Variants in PTPRG observed in about 807,000 individuals in gnomAD.
PTPRG encodes the protein protein tyrosine phosphatase receptor type G.
PTPRG carries 102 observed loss-of-function variants against 165.3 expected under a neutral mutation model. The ratio of observed to expected loss-of-function variants is 0.62; its 90% CI spans 0.53 to 0.73. The LOEUF (loss-of-function observed/expected upper bound fraction) is 0.73, where lower values mean the gene tolerates loss of function less well. Ranked by LOEUF, PTPRG falls within the 30% of genes least tolerant of loss-of-function variation. The pLI is 0.00. For synonymous variants in PTPRG, 675 were observed against 669.5 expected (o/e 1.01, Z -0.13); for missense variants, 1,866 against 1,861.4 (o/e 1.00, Z -0.05).
Position 62,024,795 on chromosome 3 carries a change from A to G in PTPRG, c.519+21298A>G, listed in dbSNP as rs543963848. On this transcript the variant is annotated intron_variant, in intron 4 of 29. Transcript: ENST00000474889. Reference sequence around the variant, plus strand: ...TTTACTTAAATCAGTAGATCTGATAAATGCTTTAGACTTGACTTCATAGTG... The same window carrying G: ...TTTACTTAAATCAGTAGATCTGATAGATGCTTTAGACTTGACTTCATAGTG... Among the ~76,000 whole-genome samples the G allele has an allele frequency of 3.3e-5, 5 of 152,306 alleles. No homozygotes were observed. In the East Asian group the frequency reaches 7.7e-4, roughly 23 times the overall value.
At chr3:62,196,264 G>T (rs1201962464) in intron 10 of PTPRG, among the ~76,000 whole-genome samples, 1 of 151,652 alleles carries the variant, frequency 6.6e-6, no homozygotes, top group Admixed American at 6.6e-5. Flanking sequence ...TTGGTGGTGC[G>T]TGCCTGTAAT....
intron 2 of PTPRG, among the ~76,000 whole-genome samples, chr3:61,911,928 G>A (rs990029638): frequency 2.0e-5 from 3 of 152,198 alleles, no homozygotes; most frequent in South Asian, 2.1e-4. Flanking sequence ...GTTTCAATTT[G>A]CATTTCTTTC....
chr3:62,083,860 G>T (rs1701660671), intron 5 of PTPRG, among the ~76,000 whole-genome samples: 1 of 152,174 alleles, frequency 6.6e-6, no homozygotes, highest in Admixed American at 6.5e-5. Context: ...TCAGTCAGAT[G>T]CACATAGAAG....
rs1553662684 is a variant in PTPRG at position 62,265,896 on chromosome 3, T to TATACACAC, written c.2657-1513_2657-1512insTACACACA. On this transcript the variant is annotated intron_variant, in intron 17 of 29. Coordinates refer to ENST00000474889, the MANE Select transcript of PTPRG (RefSeq NM_002841.4). ...CACACGTATACATCTGTGCCTTATATACACACACACACACACACACACACA... is the reference window on the plus strand; with the variant it reads ...CACACGTATACATCTGTGCCTTATATATACACACACACACACACACACACACACACACA... 4.2e-3 allele frequency among the ~76,000 whole-genome samples: 553 copies of TATACACAC among 130,608 alleles called. 2 individuals are homozygous for TATACACAC. Among genetic ancestry groups the TATACACAC allele is most frequent in the African/African-American group, 0.014 (480 of 34,436 alleles). The allele number at this position is 130,608 out of a possible 152,430, so 85.7% of individuals were successfully genotyped here. A position where few individuals can be genotyped will look rare whatever the true frequency, so the allele number is the denominator to read the frequency against.
intron 14 of PTPRG, among the ~76,000 whole-genome samples, chr3:62,239,349 C>CTTTTT (rs1168589653): frequency 5.6e-5 from 8 of 144,100 alleles, no homozygotes; most frequent in African/African-American, 2.1e-4. Flanking sequence ...TTCTTTCTTT[C>CTTTTT]TTTTTTCTTT....
At chr3:61,924,048 A>G (rs1296108969) in intron 2 of PTPRG, among the ~76,000 whole-genome samples, 2 of 152,198 alleles carry the variant, frequency 1.3e-5, no homozygotes, top group Non-Finnish European at 2.9e-5. Flanking sequence ...ATAGAAAGCT[A>G]GGGCTTTTCC....
At chr3:61,857,889 T>G (rs2107390120) in intron 2 of PTPRG, among the ~76,000 whole-genome samples, 1 of 152,250 alleles carries the variant, frequency 6.6e-6, no homozygotes, top group South Asian at 2.1e-4. Flanking sequence ...TAATTATTTG[T>G]TGTGGGGGCT....
intron 2 of PTPRG, among the ~76,000 whole-genome samples, chr3:61,973,800 T>G (rs534626068): frequency 6.6e-6 from 1 of 152,002 alleles, no homozygotes; most frequent in East Asian, 1.9e-4. Flanking sequence ...TTCTCTGCAC[T>G]CCAGCCTTGG....
chr3:61,789,166 C>G (rs1231261236), intron 2 of PTPRG, among the ~76,000 whole-genome samples: 3 of 152,124 alleles, frequency 2.0e-5, no homozygotes, highest in African/African-American at 7.2e-5. Context: ...GTAGCAGGAT[C>G]TCAGCTCACT....
At chr3:61,895,681 T>G (rs2038336327) in intron 2 of PTPRG, among the ~76,000 whole-genome samples, 1 of 152,214 alleles carries the variant, frequency 6.6e-6, no homozygotes, top group African/African-American at 2.4e-5. Flanking sequence ...GGTAGCAGTT[T>G]AAGTTTTATT....
At chr3:62,124,617 C>T (rs77160062) in intron 5 of PTPRG, 3 of 152,178 alleles carry the variant, frequency 2.0e-5, no homozygotes, top group African/African-American at 5.9e-5. Flanking sequence ...ATGCTGACCG[C>T]GAGGGAAGGT....
chr3:62,162,975 A>G (rs1340859933), intron 7 of PTPRG, among the ~76,000 whole-genome samples: 1 of 152,202 alleles, frequency 6.6e-6, no homozygotes, highest in Admixed American at 6.5e-5. Flanking sequence ...AGGAGGCATG[A>G]TTGGGAAGGC....
chr3:61,985,462 T>C (rs1343691082), intron 2 of PTPRG, among the ~76,000 whole-genome samples: 1 of 152,242 alleles, frequency 6.6e-6, no homozygotes, highest in Non-Finnish European at 1.5e-5. Flanking sequence ...CAGCACTTAC[T>C]GAACTTTTAG....
intron 1 of PTPRG, among the ~76,000 whole-genome samples, chr3:61,724,329 C>G (rs2032171598): frequency 6.6e-6 from 1 of 151,854 alleles, no homozygotes; most frequent in Admixed American, 6.6e-5. Flanking sequence ...CAATAGTTTG[C>G]TTGGCCTTAT....
chr3:61,998,824 C>A (rs190143742), intron 3 of PTPRG, among the ~76,000 whole-genome samples: 6 of 152,330 alleles, frequency 3.9e-5, no homozygotes, highest in Non-Finnish European at 8.8e-5. Context: ...TAGACCTTTC[C>A]TGTCTTTGCT....
intron 1 of PTPRG, chr3:61,742,335 T>G: frequency 1.6e-6 from 1 of 641,930 alleles, no homozygotes; most frequent in Non-Finnish European, 2.6e-6. Flanking sequence ...ACAGTTGCGT[T>G]GATATCTTCA....
chr3:61,566,007 G>A (rs1878772), intron 1 of PTPRG, among the ~76,000 whole-genome samples: 87,946 of 151,858 alleles, frequency 0.58, 27,369 homozygotes, highest in East Asian at 0.87. Flanking sequence ...TCTAAACTGG[G>A]TTCCTTTGAC....
intron 2 of PTPRG, among the ~76,000 whole-genome samples, chr3:61,911,499 T>C (rs2038803574): frequency 6.6e-6 from 1 of 152,232 alleles, no homozygotes; most frequent in African/African-American, 2.4e-5. Flanking sequence ...TAATTGCATT[T>C]TTCTTGTTGA....
At chr3:61,968,062 A>G (rs999168933) in intron 2 of PTPRG, among the ~76,000 whole-genome samples, 1 of 152,176 alleles carries the variant, frequency 6.6e-6, no homozygotes, top group Non-Finnish European at 1.5e-5. Context: ...GAAGAGAGAA[A>G]TTCCTTACAG....
Sources: gnomAD v4.1 joint callset for allele counts (sites outside exome capture counted in the v4.1 genomes callset) on GRCh38, gnomAD v4.1.1 for gene constraint, MANE v1.5 for transcripts, NCBI Gene and HGNC (gene_info 2026-07-23, HGNC 2026-07-21) for gene names.